The following GRIN2A variants were observed in gnomAD, a reference collection of about 807,000 sequenced individuals.
GRIN2A encodes the protein glutamate ionotropic receptor NMDA type subunit 2A, also known as glutamate receptor ionotropic, NMDA 2A.
Under a neutral mutation model 113.4 loss-of-function variants are expected in GRIN2A, and 22 were observed. The ratio of observed to expected loss-of-function variants is 0.19; its 90% confidence interval spans 0.14 to 0.28. The LOEUF (loss-of-function observed/expected upper bound fraction) is 0.28. GRIN2A is among the 10% of genes least tolerant of loss of function. GRIN2A has a pLI of 1.00. For synonymous variants in GRIN2A, 827 were observed against 738.4 expected, an observed-to-expected ratio of 1.12 and a Z score of -1.94; for missense variants, 1,502 against 1,887.0, an observed-to-expected ratio of 0.80 and a Z score of 3.78.
intron 9 of GRIN2A, among the ~76,000 whole-genome samples, chr16:9,827,105 C>A (rs1381374041): frequency 6.6e-6 from 1 of 152,236 alleles, no homozygotes; most frequent in Non-Finnish European, 1.5e-5. Context: ...GATACATTTA[C>A]ATATGTGGCT....
intron 2 of GRIN2A, among the ~76,000 whole-genome samples, chr16:9,985,976 T>A (rs1314411950): frequency 6.6e-6 from 1 of 152,192 alleles, no homozygotes; most frequent in Non-Finnish European, 1.5e-5. Context: ...GCCTACTTTA[T>A]ACTCACAAAA....
At chr16:9,769,395 CATATATA>C (rs2141152397) in intron 11 of GRIN2A, among the ~76,000 whole-genome samples, 1 of 143,204 alleles carries the variant, frequency 7.0e-6, no homozygotes, top group African/African-American at 2.5e-5. Context: ...ATATTATATA[CATATATA>C]ATATATATAA....
intron 2 of GRIN2A, among the ~76,000 whole-genome samples, chr16:10,104,001 T>A (rs892026434): frequency 6.6e-6 from 1 of 152,210 alleles, no homozygotes; most frequent in Non-Finnish European, 1.5e-5. Context: ...ATGTTCCTTT[T>A]AACAAGCTCA....
At chr16:10,010,865 C>T (rs996563507) in intron 2 of GRIN2A, among the ~76,000 whole-genome samples, 1 of 152,192 alleles carries the variant, frequency 6.6e-6, no homozygotes, top group Non-Finnish European at 1.5e-5. Flanking sequence ...TGCACAACTC[C>T]AGGGGGCAGC....
chr16:10,053,848 A>C (rs532445036), intron 2 of GRIN2A, among the ~76,000 whole-genome samples: 1 of 152,350 alleles, frequency 6.6e-6, no homozygotes, highest in South Asian at 2.1e-4. Flanking sequence ...GACAATAAGA[A>C]GTTAAAATTT....
chr16:10,039,771 AGAGGGAGGGGGAGGGG>A (rs1338619128), intron 2 of GRIN2A, among the ~76,000 whole-genome samples: 3 of 44,432 alleles, frequency 6.8e-5, no homozygotes, highest in Non-Finnish European at 1.3e-4. Context: ...CAAGGGAGGG[AGAGGGAGGGGGAGGGG>A]GAGGGGGAGG....
At chr16:9,922,013 T>G (rs967533721) in intron 3 of GRIN2A, among the ~76,000 whole-genome samples, 4 of 152,176 alleles carry the variant, frequency 2.6e-5, no homozygotes, top group African/African-American at 9.7e-5. Context: ...TGAGGCAAAT[T>G]TTATAAATTA....
At chr16:10,098,857 C>T in intron 2 of GRIN2A, among the ~76,000 whole-genome samples, 1 of 151,950 alleles carries the variant, frequency 6.6e-6, no homozygotes, top group East Asian at 1.9e-4. Flanking sequence ...ATGTATACTG[C>T]TCGGGTGATG....
At chr16:10,110,518 T>G (rs538355557) in intron 2 of GRIN2A, among the ~76,000 whole-genome samples, 2 of 152,320 alleles carry the variant, frequency 1.3e-5, no homozygotes, top group Non-Finnish European at 2.9e-5. Context: ...GAGGAAGCTA[T>G]TGGAGTGATC....
intron 3 of GRIN2A, among the ~76,000 whole-genome samples, chr16:9,921,073 CT>C (rs2044349844): frequency 6.6e-6 from 1 of 152,096 alleles, no homozygotes; most frequent in Non-Finnish European, 1.5e-5. Flanking sequence ...TGCATTTGAG[CT>C]TTTGACGATT....
chr16:10,132,902 T>C (rs889955764), intron 2 of GRIN2A, among the ~76,000 whole-genome samples: 3 of 152,226 alleles, frequency 2.0e-5, no homozygotes, highest in African/African-American at 4.8e-5. Context: ...CAGGCCTTCC[T>C]AGTGCTTCCT....
At chr16:9,991,603 C>A (rs1234125778) in intron 2 of GRIN2A, among the ~76,000 whole-genome samples, 1 of 152,100 alleles carries the variant, frequency 6.6e-6, no homozygotes, top group African/African-American at 2.4e-5. Context: ...CCTCTGTGTC[C>A]ATGTGTATAC....
At chr16:9,941,380 G>A (rs1037626839) in intron 2 of GRIN2A, among the ~76,000 whole-genome samples, 1 of 152,212 alleles carries the variant, frequency 6.6e-6, no homozygotes, top group Non-Finnish European at 1.5e-5. Context: ...CATGTAGAGA[G>A]GAAGGCATGG....
chr16:9,834,825 G>C (rs2042560412), intron 7 of GRIN2A, among the ~76,000 whole-genome samples: 1 of 152,164 alleles, frequency 6.6e-6, no homozygotes, highest in African/African-American at 2.4e-5. Context: ...GAAGAAAAAA[G>C]AGTGATAAGA....
At chr16:10,013,473 C>T (rs1312200334) in intron 2 of GRIN2A, among the ~76,000 whole-genome samples, 1 of 152,196 alleles carries the variant, frequency 6.6e-6, no homozygotes, top group Non-Finnish European at 1.5e-5. Flanking sequence ...AGCTTTTGCC[C>T]ACAGGTCCTA....
intron 2 of GRIN2A, among the ~76,000 whole-genome samples, chr16:10,026,394 T>C (rs1277522707): frequency 6.6e-6 from 1 of 152,212 alleles, no homozygotes; most frequent in Non-Finnish European, 1.5e-5. Context: ...TTATTTATTA[T>C]TGTTACTAAC....
intron 10 of GRIN2A, among the ~76,000 whole-genome samples, chr16:9,815,503 T>C (rs967610171): frequency 6.7e-6 from 1 of 149,498 alleles, no homozygotes; most frequent in Non-Finnish European, 1.5e-5. Context: ...ATAAATACAA[T>C]TGCCCAATAA....
At chr16:9,784,157 T>C (rs1207631456) in intron 11 of GRIN2A, among the ~76,000 whole-genome samples, 1 of 152,024 alleles carries the variant, frequency 6.6e-6, no homozygotes, top group African/African-American at 2.4e-5. Context: ...TGGCTGGGTG[T>C]GGTGGCTCAC....
intron 4 of GRIN2A, among the ~76,000 whole-genome samples, chr16:9,867,303 T>G (rs1001251943): frequency 2.0e-5 from 3 of 152,130 alleles, no homozygotes; most frequent in Admixed American, 1.3e-4. Flanking sequence ...ATTGCATCTC[T>G]CCCATTCCCT....
Sources: gnomAD v4.1 joint callset for allele counts (sites outside exome capture counted in the v4.1 genomes callset) on GRCh38, gnomAD v4.1.1 for gene constraint, MANE v1.5 for transcripts, NCBI Gene and HGNC (gene_info 2026-07-23, HGNC 2026-07-21) for gene names.